Variants in GPC6 observed in about 807,000 individuals in gnomAD.
GPC6 encodes glypican-6.
Under a neutral mutation model 55.2 loss-of-function variants are expected in GPC6, and 14 were observed. The observed-to-expected ratio is 0.25, with a 90% CI of 0.17 to 0.40. The LOEUF (loss-of-function observed/expected upper bound fraction) is 0.40. Ranked by LOEUF, GPC6 falls within the 10% of genes least tolerant of loss-of-function variation. The pLI is 1.00. For missense variants in GPC6, 641 were observed against 708.5 expected (o/e 0.90, Z 1.08); for synonymous variants, 278 against 259.6 (o/e 1.07, Z -0.68).
intron 3 of GPC6, among the ~76,000 whole-genome samples, chr13:94,004,753 A>G (rs1238216892): frequency 1.3e-5 from 2 of 152,106 alleles, no homozygotes; most frequent in African/African-American, 4.8e-5. Context: ...GATGAACTAT[A>G]GCTCTTTAAA....
chr13:94,067,498 CTCTCTG>C (rs1286055143), intron 4 of GPC6, among the ~76,000 whole-genome samples: 2 of 151,938 alleles, frequency 1.3e-5, no homozygotes, highest in Non-Finnish European at 2.9e-5. Flanking sequence ...CTCTCTCTCT[CTCTCTG>C]TGTCTATGTA....
chr13:93,255,241 C>T (rs747762181), intron 1 of GPC6, among the ~76,000 whole-genome samples: 4 of 152,138 alleles, frequency 2.6e-5, no homozygotes, highest in East Asian at 1.9e-4. Context: ...ACATAGTTTT[C>T]GGGTACGCAT....
intron 3 of GPC6, among the ~76,000 whole-genome samples, chr13:93,848,682 T>C (rs1888286570): frequency 6.6e-6 from 1 of 152,144 alleles, no homozygotes; most frequent in African/African-American, 2.4e-5. Context: ...TTGACAAGTC[T>C]GAAGTCCGCA....
chr13:93,639,230 T>C (rs1347643447), intron 2 of GPC6, among the ~76,000 whole-genome samples: 3 of 152,108 alleles, frequency 2.0e-5, no homozygotes, highest in African/African-American at 7.2e-5. Context: ...TGAAACTCAC[T>C]GGAGCCCACA....
At chr13:93,251,435 A>C (rs566910617) in intron 1 of GPC6, among the ~76,000 whole-genome samples, 1 of 152,356 alleles carries the variant, frequency 6.6e-6, no homozygotes, top group African/African-American at 2.4e-5. Context: ...TTTGTAAAAC[A>C]TTATACCCAT....
At chr13:93,219,674 CAAATT>C in the GPC6 span, among the ~76,000 whole-genome samples, 2 of 151,954 alleles carry the variant, frequency 1.3e-5, no homozygotes, top group Admixed American at 1.3e-4. Context: ...GAAAACTTCT[CAAATT>C]AAAAGCTTTG....
At chr13:94,026,721 C>T (rs1882912541) in intron 3 of GPC6, among the ~76,000 whole-genome samples, 1 of 152,116 alleles carries the variant, frequency 6.6e-6, no homozygotes, top group Non-Finnish European at 1.5e-5. Context: ...CACAGTGCAG[C>T]ATGGCTGAGG....
intron 1 of GPC6, among the ~76,000 whole-genome samples, chr13:93,541,952 A>T (rs552474973): frequency 1.3e-5 from 2 of 151,708 alleles, no homozygotes; most frequent in East Asian, 3.9e-4. Context: ...GGTTGCGAAA[A>T]TTTTTTCCCA....
At chr13:93,997,477 C>T (rs1881606971) in intron 3 of GPC6, among the ~76,000 whole-genome samples, 1 of 152,044 alleles carries the variant, frequency 6.6e-6, no homozygotes, top group African/African-American at 2.4e-5. Context: ...TCTTCGTGTC[C>T]AGAGCCCTAA....
chr13:93,810,979 T>A (rs1285400334), intron 2 of GPC6, among the ~76,000 whole-genome samples: 2 of 152,216 alleles, frequency 1.3e-5, no homozygotes, highest in African/African-American at 4.8e-5. Flanking sequence ...AAATGTTTCC[T>A]CTTTCCATGA....
At chr13:93,232,543 C>G (rs1408871931) in intron 1 of GPC6, among the ~76,000 whole-genome samples, 5 of 152,142 alleles carry the variant, frequency 3.3e-5, no homozygotes, top group Non-Finnish European at 7.4e-5. Flanking sequence ...AACAAGAGTT[C>G]ATTTGAGTTG....
At chr13:93,752,852 C>G (rs1884643750) in intron 2 of GPC6, among the ~76,000 whole-genome samples, 1 of 152,130 alleles carries the variant, frequency 6.6e-6, no homozygotes, top group African/African-American at 2.4e-5. Context: ...TAGCTGTCAT[C>G]CCTACTGCCG....
chr13:93,736,467 A>G (rs2138843002), intron 2 of GPC6, among the ~76,000 whole-genome samples: 1 of 152,328 alleles, frequency 6.6e-6, no homozygotes, highest in Non-Finnish European at 1.5e-5. Context: ...ATAATGATGA[A>G]TAGAATATTG....
intron 1 of GPC6, among the ~76,000 whole-genome samples, chr13:93,534,682 T>C (rs1264147531): frequency 1.3e-5 from 2 of 152,156 alleles, no homozygotes; most frequent in Non-Finnish European, 2.9e-5. Context: ...TGGGAAAATA[T>C]CTTGTGAAGA....
intron 7 of GPC6, among the ~76,000 whole-genome samples, chr13:94,385,239 C>CAAA (rs35550666): frequency 7.9e-6 from 1 of 126,068 alleles, no homozygotes; most frequent in Non-Finnish European, 1.7e-5. Context: ...GACTCCATCT[C>CAAA]AAAAAAAAAA....
intron 6 of GPC6, among the ~76,000 whole-genome samples, chr13:94,351,204 G>A (rs146960673): frequency 1.1e-4 from 17 of 152,080 alleles, no homozygotes; most frequent in Middle Eastern, 3.4e-3. Flanking sequence ...AAGGAACCTC[G>A]TAAAAATAAA....
chr13:93,328,023 T>C (rs1170057906), intron 1 of GPC6, among the ~76,000 whole-genome samples: 1 of 152,074 alleles, frequency 6.6e-6, no homozygotes, highest in Non-Finnish European at 1.5e-5. Flanking sequence ...ATTTTGGTTT[T>C]ATATTTTTTA....
At chr13:93,516,933 G>A (rs1038033545) in intron 1 of GPC6, among the ~76,000 whole-genome samples, 1 of 152,138 alleles carries the variant, frequency 6.6e-6, no homozygotes, top group East Asian at 1.9e-4. Flanking sequence ...ACTGTATGTG[G>A]TGGGGCCAAA....
chr13:94,365,726 G>A (rs574849119), intron 6 of GPC6, among the ~76,000 whole-genome samples: 42 of 152,074 alleles, frequency 2.8e-4, no homozygotes, highest in Non-Finnish European at 5.3e-4. Flanking sequence ...TCTCACTGTT[G>A]GATGGAATCA....
Sources: gnomAD v4.1 joint callset for allele counts (sites outside exome capture counted in the v4.1 genomes callset) on GRCh38, gnomAD v4.1.1 for gene constraint, MANE v1.5 for transcripts, NCBI Gene and HGNC (gene_info 2026-07-23, HGNC 2026-07-21) for gene names.